Variants in FOXP1 observed in about 807,000 individuals in gnomAD.
The protein encoded by FOXP1 is forkhead box protein P1.
In FOXP1, 15 loss-of-function variants were observed where a neutral mutation model predicts 98.2. The ratio of observed to expected loss-of-function variants is 0.15; its 90% CI spans 0.10 to 0.24. FOXP1 has a LOEUF of 0.24. FOXP1 is among the 10% of genes least tolerant of loss of function. The pLI, the probability that FOXP1 is intolerant of heterozygous loss-of-function variation, is 1.00. For missense variants in FOXP1, 633 were observed against 848.5 expected, an observed-to-expected ratio of 0.75 and a Z score of 3.15; for synonymous variants, 371 against 314.5, an observed-to-expected ratio of 1.18 and a Z score of -1.90.
At chr3:71,384,157 T>A (rs1577233982) in intron 3 of FOXP1, among the ~76,000 whole-genome samples, 1 of 151,126 alleles carries the variant, frequency 6.6e-6, no homozygotes, top group African/African-American at 2.4e-5. Context: ...GAGGTGGAGG[T>A]TGCAGTGAGC....
intron 3 of FOXP1, among the ~76,000 whole-genome samples, chr3:71,414,794 C>A (rs73837159): frequency 0.012 from 1,868 of 152,200 alleles, 41 homozygotes; most frequent in African/African-American, 0.042. Context: ...ACAGAGCATG[C>A]AAAATAAAAA....
intron 12 of FOXP1, among the ~76,000 whole-genome samples, chr3:71,001,801 A>G (rs761561334): frequency 3.3e-5 from 5 of 152,192 alleles, no homozygotes; most frequent in East Asian, 1.9e-4. Context: ...CATACGCAGG[A>G]GCTCTGGTAA....
intron 2 of FOXP1, among the ~76,000 whole-genome samples, chr3:71,549,823 T>C (rs925178719): frequency 1.6e-5 from 2 of 124,332 alleles, no homozygotes; most frequent in South Asian, 2.4e-4. Flanking sequence ...ATGGAAGAAA[T>C]GGTAAATTAT....
intron 14 of FOXP1, among the ~76,000 whole-genome samples, chr3:70,981,894 A>G (rs929663877): frequency 6.6e-6 from 1 of 152,272 alleles, no homozygotes; most frequent in Non-Finnish European, 1.5e-5. Flanking sequence ...AAGGAAGAAG[A>G]AAAAGCTGTA....
chr3:71,269,695 G>A (rs1437716076), intron 5 of FOXP1, among the ~76,000 whole-genome samples: 3 of 152,170 alleles, frequency 2.0e-5, no homozygotes, highest in Admixed American at 6.5e-5. Context: ...TAAAGTTGGT[G>A]CAGTTTTGAG....
intron 3 of FOXP1, among the ~76,000 whole-genome samples, chr3:71,465,971 G>C (rs1393681537): frequency 6.6e-6 from 1 of 152,150 alleles, no homozygotes; most frequent in African/African-American, 2.4e-5. Flanking sequence ...GTTTCATCTG[G>C]AAACCACTAC....
At chr3:71,134,955 T>C (rs2059745645) in intron 6 of FOXP1, among the ~76,000 whole-genome samples, 1 of 152,002 alleles carries the variant, frequency 6.6e-6, no homozygotes, top group Non-Finnish European at 1.5e-5. Flanking sequence ...AATCCTACCT[T>C]CTTCTAAAAG....
intron 7 of FOXP1, among the ~76,000 whole-genome samples, chr3:71,059,742 A>AGTGC (rs1414345069): frequency 6.6e-6 from 1 of 152,180 alleles, no homozygotes; most frequent in Non-Finnish European, 1.5e-5. Context: ...ATCATGTTTA[A>AGTGC]GTGCTGCAAA....
At chr3:71,120,856 G>T (rs831452) in intron 6 of FOXP1, among the ~76,000 whole-genome samples, 1 of 151,888 alleles carries the variant, frequency 6.6e-6, no homozygotes, top group South Asian at 2.1e-4. Context: ...TAAGCTACAC[G>T]TAGGGTGGTT....
At chr3:70,971,711 G>T in intron 18 of FOXP1, 1 of 266,742 alleles carries the variant, frequency 3.7e-6, no homozygotes, top group East Asian at 6.7e-5. Context: ...TTTTTACTTG[G>T]GGTGGGGAGA....
chr3:71,186,539 C>T lies in FOXP1; in HGVS notation c.180+11663G>A, dbSNP rs183854866. Among the ~76,000 whole-genome samples the T allele has an allele frequency of 8.5e-5, 13 of 152,272 alleles. No individual in the cohort carries two copies. In the East Asian group the frequency reaches 1.2e-3, roughly 14 times the overall value. On this transcript the variant is annotated intron_variant, in intron 6 of 20. Coordinates refer to ENST00000649528, the MANE Select transcript of FOXP1 (RefSeq NM_001349338.3). ...CATCCTGGCCAACATGGTGAAACTC[C>T]GTTTCTACTAAAAATACAAAAATTA...
At chr3:71,449,786 G>A (rs558602665) in intron 3 of FOXP1, among the ~76,000 whole-genome samples, 86 of 152,294 alleles carry the variant, frequency 5.6e-4, no homozygotes, top group African/African-American at 2.0e-3. Context: ...TCTTTTTTAA[G>A]GGGCTGTTTA....
chr3:71,129,916 C>T (rs1280137188), intron 6 of FOXP1, among the ~76,000 whole-genome samples: 1 of 152,126 alleles, frequency 6.6e-6, no homozygotes, highest in Non-Finnish European at 1.5e-5. Flanking sequence ...GCAGGCTTTC[C>T]CTTTCCCTCT....
chr3:71,580,241 G>T (rs943509356), intron 2 of FOXP1, among the ~76,000 whole-genome samples: 1 of 151,968 alleles, frequency 6.6e-6, no homozygotes, highest in Non-Finnish European at 1.5e-5. Flanking sequence ...AAAGTCTAAG[G>T]GGGGTGGGGG....
chr3:71,477,040 G>C (rs542037635), intron 3 of FOXP1, among the ~76,000 whole-genome samples: 2 of 152,148 alleles, frequency 1.3e-5, no homozygotes, highest in Non-Finnish European at 2.9e-5. Context: ...ATAAGAAAAG[G>C]TGAGGGCCTT....
At chr3:71,511,254 G>C (rs1314454634) in intron 2 of FOXP1, among the ~76,000 whole-genome samples, 1 of 152,126 alleles carries the variant, frequency 6.6e-6, no homozygotes, top group African/African-American at 2.4e-5. Flanking sequence ...TGGCCAGACT[G>C]TGAAAATAAG....
intron 3 of FOXP1, among the ~76,000 whole-genome samples, chr3:71,455,762 T>C (rs1361055463): frequency 1.3e-5 from 2 of 152,172 alleles, no homozygotes; most frequent in African/African-American, 4.8e-5. Flanking sequence ...AATTTCCCTT[T>C]TGCAAGTTAC....
intron 5 of FOXP1, chr3:71,288,543 A>T (rs78767369): frequency 2.0e-5 from 3 of 152,234 alleles, no homozygotes; most frequent in East Asian, 3.8e-4. Flanking sequence ...TAACCACACC[A>T]ATCTGTGATA....
rs115563348 is a variant in FOXP1, at chr3:71,264,915, G to A, written c.-12+34905C>T. On this transcript the variant is annotated intron_variant, in intron 5 of 20. Coordinates refer to ENST00000649528, the MANE Select transcript of FOXP1 (RefSeq NM_001349338.3). ...GGGTACCATTTCCCCCTATCATACA[G>A]TTGAGAAAAGAGATAGTTACAGAGG... 3.5e-3 allele frequency among the ~76,000 whole-genome samples: 533 copies of A among 152,268 alleles called. 3 individuals are homozygous for A. The highest frequency in any genetic ancestry group is 0.012 in the African/African-American group (479 of 41,544).
Sources: gnomAD v4.1 joint callset for allele counts (sites outside exome capture counted in the v4.1 genomes callset) on GRCh38, gnomAD v4.1.1 for gene constraint, MANE v1.5 for transcripts, NCBI Gene and HGNC (gene_info 2026-07-23, HGNC 2026-07-21) for gene names.